SPATA13: variants seen among roughly 807,000 people sequenced by gnomAD.
The protein encoded by SPATA13 is spermatogenesis associated 13.
In SPATA13, 50 loss-of-function variants were observed where a neutral mutation model predicts 104.0. The observed-to-expected ratio is 0.48, with a 90% CI of 0.38 to 0.61. The LOEUF (loss-of-function observed/expected upper bound fraction) is 0.61. Ranked by LOEUF, SPATA13 falls within the 20% of genes least tolerant of loss-of-function variation. The probability of loss-of-function intolerance (pLI) is 0.00; values close to 1 mark genes in which losing one functional copy is unlikely to be tolerated. For missense variants in SPATA13, 1,524 were observed against 1,690.6 expected (o/e 0.90, Z 1.73); for synonymous variants, 606 against 667.5 (o/e 0.91, Z 1.42).
At chr13:24,250,132 A>G (rs990220174) in intron 3 of SPATA13, among the ~76,000 whole-genome samples, 3 of 152,266 alleles carry the variant, frequency 2.0e-5, no homozygotes, top group Non-Finnish European at 4.4e-5. Flanking sequence ...AGGGAAAGGT[A>G]GCAGGGCATA....
chr13:23,993,091 G>T (rs1875490306), intron 2 of SPATA13, among the ~76,000 whole-genome samples: 3 of 152,214 alleles, frequency 2.0e-5, no homozygotes. Flanking sequence ...GCAGAGATGG[G>T]TTTAAAAGTC....
intron 3 of SPATA13, among the ~76,000 whole-genome samples, chr13:24,144,621 A>G (rs1415168992): frequency 2.0e-5 from 3 of 151,998 alleles, no homozygotes; most frequent in Non-Finnish European, 4.4e-5. Context: ...GGTTGCTGCC[A>G]TTGTGCCCCT....
rs550579636 is a variant in SPATA13 at position 24,141,007 on chromosome 13, T to C, written c.-111-81812T>C. On this transcript the variant is annotated intron_variant, in intron 3 of 14. Transcript: ENST00000424834. ...TTGGCCAACAAGGTGAAACCCTGTC[T>C]CTACTAAAAATACAAAAATTAGCCA... is the stretch of plus-strand genomic sequence containing the variant. Among the ~76,000 whole-genome samples the C allele has an allele frequency of 2.6e-5, 4 of 152,040 alleles. No individual in the cohort carries two copies. In the South Asian group the frequency reaches 8.3e-4, roughly 32 times the overall value.
At position 24,182,297 on chromosome 13, in the gene SPATA13, G is replaced by A. The variant is rs150708532; in HGVS notation, c.-112+21365G>A. Among the ~76,000 whole-genome samples the A allele has an allele frequency of 3.3e-5, 5 of 152,148 alleles. No homozygotes were observed. In the East Asian group the frequency reaches 9.7e-4, roughly 29 times the overall value. Reference sequence around the variant, plus strand: ...ATGTATGACTGTGTTTGTCTTTTTTGTTTTGCTATAAAGGAATACCTGAGC... The same window carrying A: ...ATGTATGACTGTGTTTGTCTTTTTTATTTTGCTATAAAGGAATACCTGAGC... On this transcript the variant is annotated intron_variant, in intron 1 of 12. Transcript: ENST00000382108.
At chr13:24,050,110 TCCACCCACCTTGGCCTC>T (rs966464362) in intron 3 of SPATA13, among the ~76,000 whole-genome samples, 1 of 152,164 alleles carries the variant, frequency 6.6e-6, no homozygotes. Flanking sequence ...GACCTTGTGA[TCCACCCACCTTGGCCTC>T]CCAAAGTGCT....
chr13:24,120,207 A>G (rs887366272), intron 3 of SPATA13, among the ~76,000 whole-genome samples: 5 of 146,142 alleles, frequency 3.4e-5, no homozygotes, highest in Admixed American at 2.0e-4. Flanking sequence ...TGAAAAAAAA[A>G]TCAGGATTCT....
intron 3 of SPATA13, among the ~76,000 whole-genome samples, chr13:24,098,402 CTT>C (rs1410778982): frequency 6.6e-6 from 1 of 151,444 alleles, no homozygotes; most frequent in Non-Finnish European, 1.5e-5. Flanking sequence ...ATAATTAAGA[CTT>C]AAACGTGGCA....
chr13:24,175,446 A>G (rs1327776344), intron 1 of SPATA13, among the ~76,000 whole-genome samples: 3 of 152,124 alleles, frequency 2.0e-5, no homozygotes, highest in Non-Finnish European at 4.4e-5. Context: ...AAGAGGGGCC[A>G]TTTCATCGCA....
intron 2 of SPATA13, among the ~76,000 whole-genome samples, chr13:24,015,932 A>G (rs1184146961): frequency 6.6e-6 from 1 of 152,208 alleles, no homozygotes; most frequent in Non-Finnish European, 1.5e-5. Context: ...AGCATCAAAG[A>G]CACGCTTCTG....
chr13:24,261,954 T>C (rs1320435912), intron 4 of SPATA13, among the ~76,000 whole-genome samples: 2 of 152,218 alleles, frequency 1.3e-5, no homozygotes, highest in Non-Finnish European at 2.9e-5. Flanking sequence ...TGAAAAACAA[T>C]TTATTAGGCT....
chr13:24,300,903 A>G (rs1877137279), intron 12 of SPATA13, among the ~76,000 whole-genome samples: 1 of 152,186 alleles, frequency 6.6e-6, no homozygotes, highest in Non-Finnish European at 1.5e-5. Context: ...GATATAGTCT[A>G]GTTTAAGTAA....
At chr13:24,294,441 C>T (rs989718341) in intron 9 of SPATA13, among the ~76,000 whole-genome samples, 12 of 152,214 alleles carry the variant, frequency 7.9e-5, no homozygotes, top group Admixed American at 6.5e-4. Context: ...CCCATTGTCA[C>T]CGTGACTAAA....
chr13:24,271,720 C>T (rs556288167), intron 4 of SPATA13, among the ~76,000 whole-genome samples: 2 of 152,192 alleles, frequency 1.3e-5, no homozygotes, highest in Non-Finnish European at 2.9e-5. Context: ...CAGATCTTGT[C>T]TCTGTTTTTG....
chr13:24,210,196 T>C (rs541504950), intron 1 of SPATA13, among the ~76,000 whole-genome samples: 1 of 152,330 alleles, frequency 6.6e-6, no homozygotes, highest in South Asian at 2.1e-4. Context: ...TTACTTGTTA[T>C]ATGACTTGCA....
intron 3 of SPATA13, among the ~76,000 whole-genome samples, chr13:24,050,340 T>C (rs1190357531): frequency 6.6e-6 from 1 of 152,238 alleles, no homozygotes; most frequent in Non-Finnish European, 1.5e-5. Flanking sequence ...CTGATAATGC[T>C]GACGAGTCAG....
intron 1 of SPATA13, among the ~76,000 whole-genome samples, chr13:24,221,974 G>A (rs1385690451): frequency 2.6e-5 from 4 of 151,882 alleles, no homozygotes; most frequent in African/African-American, 9.7e-5. Flanking sequence ...CACCACGCCT[G>A]GCTAATTTTT....
intron 2 of SPATA13, among the ~76,000 whole-genome samples, chr13:24,007,393 T>C (rs1210545535): frequency 6.6e-6 from 1 of 152,202 alleles, no homozygotes; most frequent in Non-Finnish European, 1.5e-5. Context: ...GACTGACTGC[T>C]GGGTTCAAAA....
At chr13:23,988,640 GC>G (rs1288383233) in intron 2 of SPATA13, among the ~76,000 whole-genome samples, 1 of 152,146 alleles carries the variant, frequency 6.6e-6, no homozygotes, top group East Asian at 1.9e-4. Context: ...TGTCTCCCAA[GC>G]CCTCACCAAC....
At chr13:24,291,113 A>G (rs1593506777) in intron 9 of SPATA13, among the ~76,000 whole-genome samples, 1 of 152,216 alleles carries the variant, frequency 6.6e-6, no homozygotes, top group African/African-American at 2.4e-5. Flanking sequence ...CACAAGGGCC[A>G]TTCGTGAGCT....
Sources: allele counts gnomAD v4.1 joint callset (sites outside exome capture counted in the v4.1 genomes callset), GRCh38; gene constraint gnomAD v4.1.1; transcripts MANE v1.5; gene names NCBI Gene and HGNC (gene_info 2026-07-23, HGNC 2026-07-21).